The following CDH13 variants were observed in gnomAD, a reference collection of about 807,000 sequenced individuals.
CDH13 encodes the protein cadherin 13.
CDH13 carries 24 observed loss-of-function variants against 63.8 expected under a neutral mutation model. The ratio of observed to expected loss-of-function variants is 0.38; its 90% CI spans 0.27 to 0.53. The LOEUF is 0.53. Ranked by LOEUF, CDH13 falls within the 20% of genes least tolerant of loss-of-function variation. The pLI is 0.85. For synonymous variants in CDH13, 503 were observed against 355.3 expected, an observed-to-expected ratio of 1.42 and a Z score of -4.67; for missense variants, 1,049 against 903.1, an observed-to-expected ratio of 1.16 and a Z score of -2.07.
rs865903178 is a variant in CDH13 at position 83,014,770 on chromosome 16, A to T, written c.158-17240A>T. On this transcript the variant is annotated intron_variant, in intron 2 of 13. Transcript: ENST00000567109. ...TATATATATATATATATATATATAT[A>T]TATATGTATATATATATATTTGTAT... Among the ~76,000 whole-genome samples, 14 of 72,078 alleles carry T rather than the reference A, an allele frequency of 1.9e-4. 1 individual carries two copies. The highest frequency in any genetic ancestry group is 8.8e-4 in the South Asian group (2 of 2,260). 47.3% of individuals were successfully genotyped at this position (72,078 alleles called of 152,430 possible).
At chr16:82,838,372 G>C (rs991918429) in intron 1 of CDH13, among the ~76,000 whole-genome samples, 2 of 152,134 alleles carry the variant, frequency 1.3e-5, no homozygotes. Flanking sequence ...CAGGTGGTAG[G>C]TGTTCAATAT....
chr16:83,628,678 C>T (rs2059246), intron 8 of CDH13, among the ~76,000 whole-genome samples: 13,812 of 152,136 alleles, frequency 0.091, 816 homozygotes, highest in East Asian at 0.26. Context: ...GTCGGTATTT[C>T]AATAGGAGGC....
At chr16:83,429,199 A>G (rs1176361269) in intron 6 of CDH13, among the ~76,000 whole-genome samples, 1 of 152,186 alleles carries the variant, frequency 6.6e-6, no homozygotes, top group Non-Finnish European at 1.5e-5. Flanking sequence ...ATTTACGAGA[A>G]GGTCCTTTTG....
At chr16:83,433,774 T>C (rs1213533357) in intron 6 of CDH13, among the ~76,000 whole-genome samples, 1 of 152,238 alleles carries the variant, frequency 6.6e-6, no homozygotes, top group Non-Finnish European at 1.5e-5. Context: ...TACACTTGTT[T>C]ATGCAAGAAC....
At chr16:83,301,780 T>C (rs993263924) in intron 5 of CDH13, among the ~76,000 whole-genome samples, 3 of 151,534 alleles carry the variant, frequency 2.0e-5, no homozygotes, top group Non-Finnish European at 4.4e-5. Flanking sequence ...TTTCCTGTAA[T>C]TTTTTTTTCT....
intron 7 of CDH13, among the ~76,000 whole-genome samples, chr16:83,539,160 G>A (rs2075253481): frequency 6.6e-6 from 1 of 152,128 alleles, no homozygotes. Flanking sequence ...GACCGGTTTT[G>A]TGGAAGACAA....
At chr16:82,771,032 T>C (rs550617707) in intron 1 of CDH13, among the ~76,000 whole-genome samples, 2 of 152,352 alleles carry the variant, frequency 1.3e-5, no homozygotes, top group East Asian at 3.9e-4. Context: ...TCCAATTTTT[T>C]ATGTGTATAT....
chr16:83,711,566 A>G (rs115529884), intron 10 of CDH13, among the ~76,000 whole-genome samples: 1,671 of 152,138 alleles, frequency 0.011, 41 homozygotes, highest in African/African-American at 0.039. Context: ...CCCATACTGG[A>G]GTATAGTGGC....
chr16:83,502,272 G>A (rs867031743), intron 7 of CDH13, among the ~76,000 whole-genome samples: 2 of 152,200 alleles, frequency 1.3e-5, no homozygotes, highest in Admixed American at 6.5e-5. Context: ...TCTTAATAAG[G>A]GGGAGGTGGG....
intron 12 of CDH13, among the ~76,000 whole-genome samples, 190 bp downstream of exon 12, chr16:83,780,391 G>A (rs1915435128): frequency 6.6e-6 from 1 of 152,162 alleles, no homozygotes; most frequent in Non-Finnish European, 1.5e-5. Context: ...TTGAATATCT[G>A]TTTCAAACAC....
At chr16:83,289,111 T>G (rs2089401359) in intron 5 of CDH13, among the ~76,000 whole-genome samples, 1 of 152,218 alleles carries the variant, frequency 6.6e-6, no homozygotes, top group South Asian at 2.1e-4. Flanking sequence ...TATTGCTTGC[T>G]CCTGGCCTAC....
chr16:82,999,750 G>A (rs914254089), intron 2 of CDH13, among the ~76,000 whole-genome samples: 11 of 152,202 alleles, frequency 7.2e-5, no homozygotes, highest in African/African-American at 2.4e-4. Flanking sequence ...CTCTCCAGCA[G>A]CTGTCGTCCA....
At chr16:82,694,730 C>G (rs894873314) in intron 1 of CDH13, among the ~76,000 whole-genome samples, 2 of 152,170 alleles carry the variant, frequency 1.3e-5, no homozygotes, top group Non-Finnish European at 2.9e-5. Context: ...GTATGATTCA[C>G]CCAATCACTC....
At chr16:82,797,985 T>A (rs1026027673) in intron 1 of CDH13, among the ~76,000 whole-genome samples, 3 of 152,142 alleles carry the variant, frequency 2.0e-5, no homozygotes, top group Non-Finnish European at 4.4e-5. Flanking sequence ...CCACGATGGA[T>A]CCAGATTTAA....
chr16:83,690,361 C>G (rs1904731230), intron 10 of CDH13, among the ~76,000 whole-genome samples: 1 of 152,140 alleles, frequency 6.6e-6, no homozygotes, highest in Non-Finnish European at 1.5e-5. Context: ...CTCACCAGTG[C>G]TGTGATGCTT....
rs529372501 is a variant in CDH13 at position 82,870,431 on chromosome 16, G to C, written c.157+11958G>C. On this transcript the variant is annotated intron_variant, in intron 2 of 13. Transcript: ENST00000567109. ...GATGGTCCCCAAAAAACTAAAAATA[G>C]AACTACTATATGGCCCAACAGTCCC... Among the ~76,000 whole-genome samples, 14 of 152,146 alleles carry C rather than the reference G, an allele frequency of 9.2e-5. No individual in the cohort carries two copies. In the South Asian group the frequency reaches 2.1e-3, roughly 23 times the overall value.
intron 2 of CDH13, among the ~76,000 whole-genome samples, chr16:82,980,287 G>C (rs1174163221): frequency 6.6e-6 from 1 of 152,126 alleles, no homozygotes; most frequent in Non-Finnish European, 1.5e-5. Flanking sequence ...CCTTCCCTCT[G>C]TAATGAGTTT....
At chr16:83,386,801 G>C (rs907553998) in intron 6 of CDH13, among the ~76,000 whole-genome samples, 1 of 152,156 alleles carries the variant, frequency 6.6e-6, no homozygotes, top group Non-Finnish European at 1.5e-5. Flanking sequence ...ATGATGTCAG[G>C]GGTGTCCCCA....
At chr16:82,959,038 C>T (rs1353017866) in intron 2 of CDH13, among the ~76,000 whole-genome samples, 2 of 152,202 alleles carry the variant, frequency 1.3e-5, no homozygotes. Flanking sequence ...TGGCGAGGAG[C>T]AAGGCTTCCC....
Sources: allele counts gnomAD v4.1 joint callset (sites outside exome capture counted in the v4.1 genomes callset), GRCh38; gene constraint gnomAD v4.1.1; transcripts MANE v1.5; gene names NCBI Gene and HGNC (gene_info 2026-07-23, HGNC 2026-07-21).